The following CDH13 variants were observed in gnomAD, a reference collection of about 807,000 sequenced individuals.
CDH13 encodes cadherin 13.
In CDH13, 24 loss-of-function variants were observed where a neutral mutation model predicts 63.8. The observed-to-expected ratio is 0.38, with a 90% confidence interval of 0.27 to 0.53. The LOEUF is 0.53. CDH13 is among the 20% of genes least tolerant of loss of function. The probability of loss-of-function intolerance (pLI) is 0.85; values close to 1 mark genes in which losing one functional copy is unlikely to be tolerated. For missense variants in CDH13, 1,049 were observed against 903.1 expected (o/e 1.16, Z -2.07); for synonymous variants, 503 against 355.3 (o/e 1.42, Z -4.67).
At chr16:82,797,790 T>A (rs1017309812) in intron 1 of CDH13, among the ~76,000 whole-genome samples, 4 of 151,316 alleles carry the variant, frequency 2.6e-5, no homozygotes, top group Admixed American at 2.0e-4. Flanking sequence ...TGTGTGTGTG[T>A]GTGTGTGTGT....
At chr16:82,782,131 G>A (rs2035782730) in intron 1 of CDH13, among the ~76,000 whole-genome samples, 1 of 152,208 alleles carries the variant, frequency 6.6e-6, no homozygotes, top group South Asian at 2.1e-4. Flanking sequence ...GTAGGAGGGG[G>A]CCTCTACCAG....
chr16:83,081,111 C>A (rs557623772), intron 3 of CDH13, among the ~76,000 whole-genome samples: 1 of 151,818 alleles, frequency 6.6e-6, no homozygotes, highest in Non-Finnish European at 1.5e-5. Context: ...GAACTCCCGA[C>A]GTCAGGTGAT....
intron 1 of CDH13, among the ~76,000 whole-genome samples, chr16:82,674,807 C>T (rs1017467683): frequency 6.6e-5 from 10 of 152,030 alleles, no homozygotes; most frequent in South Asian, 2.1e-4. Flanking sequence ...TATGTGTTGG[C>T]GGGACGGGGG....
chr16:82,772,091 C>T (rs976455689), intron 1 of CDH13, among the ~76,000 whole-genome samples: 3 of 152,114 alleles, frequency 2.0e-5, no homozygotes, highest in African/African-American at 2.4e-5. Flanking sequence ...GTGCTGGTGT[C>T]GGTTAGCAAT....
At chr16:82,762,982 C>G (rs1331472290) in intron 1 of CDH13, among the ~76,000 whole-genome samples, 3 of 152,120 alleles carry the variant, frequency 2.0e-5, no homozygotes, top group Admixed American at 6.5e-5. Context: ...ATTGCAAGTA[C>G]AAAACAGGAC....
intron 5 of CDH13, among the ~76,000 whole-genome samples, chr16:83,278,107 T>C (rs2089049367): frequency 6.6e-6 from 1 of 152,216 alleles, no homozygotes; most frequent in African/African-American, 2.4e-5. Flanking sequence ...CGCTAAGTAT[T>C]GCTTTCCTTT....
intron 4 of CDH13, among the ~76,000 whole-genome samples, chr16:83,159,882 C>G (rs545300092): frequency 6.6e-6 from 1 of 152,050 alleles, no homozygotes; most frequent in Non-Finnish European, 1.5e-5. Flanking sequence ...CAAGACCAGC[C>G]TGGCCAACAT....
At chr16:83,720,497 C>G (rs1464756549) in intron 10 of CDH13, among the ~76,000 whole-genome samples, 1 of 152,036 alleles carries the variant, frequency 6.6e-6, no homozygotes, top group Non-Finnish European at 1.5e-5. Context: ...TAATCCTGCT[C>G]TTTGGGAGGC....
At chr16:83,470,567 C>T (rs1050868898) in intron 6 of CDH13, among the ~76,000 whole-genome samples, 5 of 152,142 alleles carry the variant, frequency 3.3e-5, no homozygotes, top group Non-Finnish European at 5.9e-5. Context: ...TGATTCATTG[C>T]CTCAAAGTTG....
rs531206550 is a variant in CDH13, at chr16:82,633,528, G to A, written c.45+6391G>A. ...CAAGTAGCTGGGATTACAGGTGCCC[G>A]CCACCAGGCCTGGCTAACTTTTTTA... On this transcript the variant is annotated intron_variant, in intron 1 of 13. Transcript: ENST00000567109. Among the ~76,000 whole-genome samples, 79 of 152,242 alleles carry A rather than the reference G, an allele frequency of 5.2e-4. 1 individual carries two copies. The highest frequency in any genetic ancestry group is 3.4e-3 in the Middle Eastern group (1 of 294).
rs562721288 is a variant in CDH13 at position 82,691,152 on chromosome 16, C to A, written c.45+64015C>A. On this transcript the variant is annotated intron_variant, in intron 1 of 13. Transcript: ENST00000567109. The stretch of plus-strand genomic sequence containing the variant: ...ATAACAATCAGCCAAATGAACAAGT[C>A]TGGACCTTCAGGGACCCTCGTGGAG... 2.0e-5 allele frequency among the ~76,000 whole-genome samples: 3 copies of A among 152,306 alleles called. No individual in the cohort carries two copies. In the South Asian group the frequency reaches 6.2e-4, roughly 32 times the overall value.
rs574301488 is a variant in CDH13, at chr16:83,720,961, G to T, written c.1539-27147G>T. Among the ~76,000 whole-genome samples, 6 of 152,334 alleles carry T rather than the reference G, an allele frequency of 3.9e-5. No individual in the cohort carries two copies. The East Asian group carries it at 1.2e-3, about 29-fold the overall frequency. On this transcript the variant is annotated intron_variant, in intron 10 of 13. Transcript: ENST00000567109. ...GGTGTGGGAGCCATCAGGCCCTCAGGAACGAGTCTTCCTGCCACCAGGAGG... is the reference window on the plus strand; with the variant it reads ...GGTGTGGGAGCCATCAGGCCCTCAGTAACGAGTCTTCCTGCCACCAGGAGG...
chr16:82,866,599 A>G (rs2040155157), intron 2 of CDH13, among the ~76,000 whole-genome samples: 1 of 151,840 alleles, frequency 6.6e-6, no homozygotes, highest in Non-Finnish European at 1.5e-5. Context: ...CATGCTGGCC[A>G]GACTGGTCTC....
intron 4 of CDH13, among the ~76,000 whole-genome samples, chr16:83,186,379 C>T (rs959389865): frequency 6.6e-6 from 1 of 151,964 alleles, no homozygotes; most frequent in Non-Finnish European, 1.5e-5. Flanking sequence ...CCTTTTGATC[C>T]ACCCGCCTCG....
intron 11 of CDH13, among the ~76,000 whole-genome samples, chr16:83,772,183 C>G (rs534275710): frequency 1.3e-5 from 2 of 152,162 alleles, no homozygotes; most frequent in East Asian, 3.9e-4. Context: ...GACTGAAAGA[C>G]ATGCTTAAGA....
intron 2 of CDH13, among the ~76,000 whole-genome samples, chr16:82,914,484 A>T (rs2151270549): frequency 6.6e-6 from 1 of 152,318 alleles, no homozygotes; most frequent in South Asian, 2.1e-4. Context: ...ACTGACTGCA[A>T]ATGTCTCAGT....
At chr16:83,490,533 G>C (rs547957729) in intron 7 of CDH13, among the ~76,000 whole-genome samples, 1 of 152,126 alleles carries the variant, frequency 6.6e-6, no homozygotes, top group Non-Finnish European at 1.5e-5. Flanking sequence ...CTCCTCTCCT[G>C]CTCCAAGGAT....
In CDH13 at chr16:83,480,048, G is replaced by A. The variant is rs146885605; in HGVS notation, c.782-6429G>A. Among the ~76,000 whole-genome samples, 488 of 152,294 alleles carry A rather than the reference G, an allele frequency of 3.2e-3. 2 individuals are homozygous for A. The highest frequency in any genetic ancestry group is 4.9e-3 in the Non-Finnish European group (333 of 68,036). On this transcript the variant is annotated intron_variant, in intron 6 of 13. Transcript: ENST00000567109. ...TTTTGTCAATGAAAAGTTGAGGTGG[G>A]GCGTGATGGCTCACATCTGTAATCC...
At chr16:82,746,249 T>G (rs1330230755) in intron 1 of CDH13, among the ~76,000 whole-genome samples, 1 of 84,490 alleles carries the variant, frequency 1.2e-5, no homozygotes, top group Non-Finnish European at 3.0e-5. Context: ...AACACACTGT[T>G]TATATATATG....
Sources: gnomAD v4.1 joint callset for allele counts (sites outside exome capture counted in the v4.1 genomes callset) on GRCh38, gnomAD v4.1.1 for gene constraint, MANE v1.5 for transcripts, NCBI Gene and HGNC (gene_info 2026-07-23, HGNC 2026-07-21) for gene names.